Variants in CEP83 observed in about 807,000 individuals in gnomAD.
CEP83 encodes centrosomal protein 83.
A neutral mutation model predicts 101.9 loss-of-function variants in CEP83; 70 were observed. The ratio of observed to expected loss-of-function variants is 0.69; its 90% CI spans 0.57 to 0.84. The LOEUF (loss-of-function observed/expected upper bound fraction) is 0.84, where lower values mean the gene tolerates loss of function less well. Among genes scored for constraint, CEP83 ranks in the 40% least tolerant of loss-of-function variants. The pLI is 0.00. For synonymous variants in CEP83, 264 were observed against 267.9 expected (o/e 0.99, Z 0.14); for missense variants, 715 against 787.2 (o/e 0.91, Z 1.10).
At chr12:94,287,321 G>A in the CEP83 span, among the ~76,000 whole-genome samples, 198 of 152,342 alleles carry the variant, frequency 1.3e-3, no homozygotes, top group Non-Finnish European at 2.2e-3. Flanking sequence ...AGGGGACTGT[G>A]CTTTGCTCTG....
At chr12:94,406,853 G>C (rs117456735) in intron 4 of CEP83, among the ~76,000 whole-genome samples, 3 of 151,670 alleles carry the variant, frequency 2.0e-5, no homozygotes, top group Non-Finnish European at 4.4e-5. Flanking sequence ...TATGAACACA[G>C]GAGGCGGAGC....
chr12:94,324,803 C>T (rs1046550602), intron 14 of CEP83, among the ~76,000 whole-genome samples: 1 of 152,176 alleles, frequency 6.6e-6, no homozygotes, highest in African/African-American at 2.4e-5. Context: ...TCCCTGACTC[C>T]TATTCTGCCC....
At chr12:94,406,931 C>CAAAAA (rs572356113) in intron 4 of CEP83, among the ~76,000 whole-genome samples, 2 of 100,320 alleles carry the variant, frequency 2.0e-5, no homozygotes, top group Admixed American at 1.0e-4. Context: ...TGTCTCAAAA[C>CAAAAA]AAAAAAAAAA....
chr12:94,348,133 A>C (rs1347793896), intron 11 of CEP83, among the ~76,000 whole-genome samples: 1 of 152,058 alleles, frequency 6.6e-6, no homozygotes, highest in Non-Finnish European at 1.5e-5. Context: ...ATATACACAA[A>C]GCAGTGGCTG....
At chr12:94,339,829 G>C (rs999988805) in intron 11 of CEP83, among the ~76,000 whole-genome samples, 1 of 152,170 alleles carries the variant, frequency 6.6e-6, no homozygotes, top group African/African-American at 2.4e-5. Context: ...CCACTCAAAA[G>C]AGAACTAGAA....
At chr12:94,337,397 AT>A (rs1035135865) in intron 11 of CEP83, among the ~76,000 whole-genome samples, 6 of 151,232 alleles carry the variant, frequency 4.0e-5, no homozygotes, top group African/African-American at 7.3e-5. Context: ...TCTAAAACTC[AT>A]TTTTTTTTGG....
rs1450676271 is a variant in CEP83 at position 94,430,295 on chromosome 12, G to GA, written c.-102+4979dup. Among the ~76,000 whole-genome samples, 6 of 151,570 alleles carry GA rather than the reference G, an allele frequency of 4.0e-5. No homozygotes were observed. In the East Asian group the frequency reaches 1.2e-3, roughly 29 times the overall value. On this transcript the variant is annotated intron_variant, in intron 2 of 16. Transcript: ENST00000397809. Reference sequence around the variant, plus strand: ...TCAAAAATAAATTCACAAAATTCTGGAAAAAGAATTTAAAATATTGATTTT... The same window carrying GA: ...TCAAAAATAAATTCACAAAATTCTGGAAAAAAGAATTTAAAATATTGATTTT...
chr12:94,329,012 T>C (rs1306549047), intron 14 of CEP83, among the ~76,000 whole-genome samples: 2 of 152,214 alleles, frequency 1.3e-5, no homozygotes, highest in Admixed American at 6.5e-5. Flanking sequence ...TCTATTTTAA[T>C]TGATGTAAAC....
intron 6 of CEP83, among the ~76,000 whole-genome samples, chr12:94,389,081 C>T (rs796529149): frequency 6.6e-5 from 10 of 152,168 alleles, no homozygotes; most frequent in African/African-American, 1.9e-4. Flanking sequence ...GAGCCAAGAT[C>T]GCGCCACTGC....
At chr12:94,324,188 A>G (rs2136404762) in intron 14 of CEP83, among the ~76,000 whole-genome samples, 1 of 152,272 alleles carries the variant, frequency 6.6e-6, no homozygotes, top group Middle Eastern at 3.4e-3. Context: ...ATCATCTGGA[A>G]GAGTTTGCGT....
chr12:94,335,722 C>G lies in CEP83; in HGVS notation c.1344-58G>C, dbSNP rs551872724. 1.9e-5 allele frequency: 22 copies of G among 1,148,054 alleles called. No individual in the cohort carries two copies. The Admixed American group carries it at 4.7e-4, about 24-fold the overall frequency. 71.1% of individuals were successfully genotyped at this position (1,148,054 alleles called of 1,614,324 possible). On this transcript the variant is annotated intron_variant, in intron 11 of 16. Transcript: ENST00000397809. ...AAGAATCCATGATTCATTTATTTCA[C>G]TGAATTAAAGAGTCATTTTATTGAA...
intron 4 of CEP83, among the ~76,000 whole-genome samples, chr12:94,406,349 A>C (rs996767628): frequency 2.0e-4 from 30 of 151,594 alleles, no homozygotes; most frequent in Non-Finnish European, 3.1e-4. Flanking sequence ...AACAAAACAA[A>C]AACAACAACA....
Position 94,367,831 on chromosome 12 carries a change from C to T in CEP83, c.1306G>A (p.Ala436Thr). ...AGCTCCTTCCTGGTGATCTCTTCTG[C>T]CATCTGTGAAGCCCGCAATTTCTCT... Reference protein sequence around the residue: ...YEEKLRASQMAEEITRKELQS... With the variant: ...YEEKLRASQMTEEITRKELQS... The change falls in exon 11 of 17, where the codon GCA becomes ACA. Residue 436 changes from alanine to threonine, a missense_variant. Ala to Thr is a moderately conservative substitution (Grantham distance 58). Coordinates refer to ENST00000397809, the MANE Select transcript of CEP83 (RefSeq NM_016122.3). 6.2e-7 allele frequency: 1 copy of T among 1,613,348 alleles called. No homozygotes were observed. The highest frequency in any genetic ancestry group is 8.5e-7 in the Non-Finnish European group (1 of 1,179,716).
chr12:94,333,263 T>C (rs554705848), intron 13 of CEP83, among the ~76,000 whole-genome samples: 2 of 152,226 alleles, frequency 1.3e-5, no homozygotes, highest in South Asian at 4.1e-4. Context: ...ACTGTCAGAA[T>C]TTTAATGTCT....
At chr12:94,300,946 C>A in the CEP83 span, 4 of 1,613,332 alleles carry the variant, frequency 2.5e-6, no homozygotes, top group African/African-American at 1.3e-5. Flanking sequence ...TCCTGAAGAA[C>A]CCTCAGTTTG....
At chr12:94,321,271 G>A (rs995586025) in intron 14 of CEP83, among the ~76,000 whole-genome samples, 16 of 152,052 alleles carry the variant, frequency 1.1e-4, no homozygotes, top group South Asian at 2.1e-4. Context: ...TGCCTGTATC[G>A]TTTTATTGTG....
At chr12:94,359,024 G>A (rs1442273875) in intron 11 of CEP83, among the ~76,000 whole-genome samples, 1 of 152,252 alleles carries the variant, frequency 6.6e-6, no homozygotes, top group East Asian at 1.9e-4. Flanking sequence ...ACAAAAGCCT[G>A]AGCATCTGTG....
the CEP83 span, chr12:94,278,027 C>T: frequency 1.9e-3 from 880 of 456,082 alleles, 7 homozygotes; most frequent in African/African-American, 0.016. Context: ...GTCCACAGTA[C>T]TTGGGGACCT....
intron 1 of CEP83, among the ~76,000 whole-genome samples, chr12:94,436,910 GA>G (rs956219734): frequency 6.6e-5 from 10 of 151,412 alleles, no homozygotes; most frequent in Admixed American, 2.0e-4. Context: ...AAGCCTCCAA[GA>G]AACTTGGGAC....
Sources: gnomAD v4.1 joint callset for allele counts (sites outside exome capture counted in the v4.1 genomes callset) on GRCh38, gnomAD v4.1.1 for gene constraint, MANE v1.5 for transcripts, NCBI Gene and HGNC (gene_info 2026-07-23, HGNC 2026-07-21) for gene names.